TMEM156: variants seen among roughly 807,000 people sequenced by gnomAD.
TMEM156 encodes the protein transmembrane protein 156.
In TMEM156, 28 loss-of-function variants were observed where a neutral mutation model predicts 30.5. The observed-to-expected ratio is 0.92, with a 90% CI of 0.68 to 1.26. TMEM156 has a LOEUF of 1.26. TMEM156 is among the 50% of genes most tolerant of loss of function. The probability of loss-of-function intolerance (pLI) is 0.00; values close to 1 mark genes in which losing one functional copy is unlikely to be tolerated. For synonymous variants in TMEM156, 137 were observed against 119.9 expected (o/e 1.14, Z -0.93); for missense variants, 351 against 340.6 (o/e 1.03, Z -0.24).
At chr4:39,017,842 C>T (rs1302843879) in intron 1 of TMEM156, among the ~76,000 whole-genome samples, 6 of 151,942 alleles carry the variant, frequency 3.9e-5, no homozygotes, top group Non-Finnish European at 5.9e-5. Flanking sequence ...CTATTTGTTC[C>T]GTATATTTTT....
intron 2 of TMEM156, 139 bp from the exon 3 acceptor site, chr4:38,994,137 A>G (rs1189751569): frequency 3.8e-6 from 3 of 784,366 alleles, no homozygotes; most frequent in African/African-American, 3.5e-5. Flanking sequence ...ATATATACAT[A>G]TTTTTGAGAC....
intron 1 of TMEM156, among the ~76,000 whole-genome samples, chr4:39,026,747 C>A (rs564944152): frequency 1.3e-5 from 2 of 151,816 alleles, no homozygotes; most frequent in African/African-American, 2.4e-5. Context: ...GCCAACATAG[C>A]AAAGCCCCAT....
rs535093804 is a variant in TMEM156 at position 38,992,848 on chromosome 4, G to A, written c.619+890C>T. The stretch of plus-strand genomic sequence containing the variant: ...GCGATCTCGGCTCACTGTAACCTCC[G>A]CCTCCCGGATTCAAGCGATTCTCCT... On this transcript the variant is annotated intron_variant, in intron 3 of 6. Coordinates refer to ENST00000381938, the MANE Select transcript of TMEM156 (RefSeq NM_024943.3). 1.1e-4 allele frequency among the ~76,000 whole-genome samples: 16 copies of A among 148,814 alleles called. No individual in the cohort carries two copies. In the South Asian group the frequency reaches 2.1e-3, roughly 20 times the overall value.
chr4:38,990,840 T>TTGTTTTGTTTTGTTTTG (rs1423810014), intron 3 of TMEM156, among the ~76,000 whole-genome samples: 8 of 131,756 alleles, frequency 6.1e-5, no homozygotes, highest in African/African-American at 8.4e-5. Flanking sequence ...GTTTTTTTTT[T>TTGTTTTGTTTTGTTTTG]TTTTTTTTTT....
intron 1 of TMEM156, among the ~76,000 whole-genome samples, chr4:39,009,162 T>C (rs1164403761): frequency 6.6e-6 from 1 of 151,998 alleles, no homozygotes; most frequent in African/African-American, 2.4e-5. Context: ...ATGGATAAAT[T>C]TCTGGAAACA....
At chr4:38,981,628 G>T (rs1238459905) in intron 5 of TMEM156, among the ~76,000 whole-genome samples, 4 of 152,088 alleles carry the variant, frequency 2.6e-5, no homozygotes, top group Admixed American at 2.6e-4. Flanking sequence ...TTGAACCCTG[G>T]CTCTGTTAGA....
intron 4 of TMEM156, 32 bp from the exon 5 acceptor site, chr4:38,986,451 T>A: frequency 6.7e-7 from 1 of 1,498,524 alleles, no homozygotes; most frequent in Non-Finnish European, 9.3e-7. Flanking sequence ...AGTATTTAGA[T>A]GATAAACAAG....
chr4:39,018,633 C>T (rs1714658689), intron 1 of TMEM156, among the ~76,000 whole-genome samples: 1 of 152,158 alleles, frequency 6.6e-6, no homozygotes, highest in Non-Finnish European at 1.5e-5. Context: ...TTTTCACTGC[C>T]TTCTGATTTT....
intron 5 of TMEM156, among the ~76,000 whole-genome samples, chr4:38,984,328 T>C (rs1457335212): frequency 7.4e-6 from 1 of 135,340 alleles, no homozygotes; most frequent in Non-Finnish European, 1.5e-5. Context: ...TCTCTCTTTC[T>C]CTCTGTCTCT....
At chr4:38,998,936 C>T in intron 1 of TMEM156, 27 bp from the exon 2 acceptor site, 1 of 1,580,212 alleles carries the variant, frequency 6.3e-7, no homozygotes, top group Non-Finnish European at 8.6e-7. Context: ...AAAACACTTT[C>T]TTTACTGTAA....
At position 38,974,058 on chromosome 4, in the gene TMEM156, C is replaced by T. The variant is rs866533718; in HGVS notation, c.824-2921G>A. ...AGGCCCCCTTGATCAGGAAGGAGTGCGTGTGTGTGTGTGTGTGTGTGTGTG... is the reference window on the plus strand; with the variant it reads ...AGGCCCCCTTGATCAGGAAGGAGTGTGTGTGTGTGTGTGTGTGTGTGTGTG... On this transcript the variant is annotated intron_variant, in intron 5 of 6. Coordinates refer to ENST00000381938, the MANE Select transcript of TMEM156 (RefSeq NM_024943.3). Among the ~76,000 whole-genome samples, 174 of 149,292 alleles carry T rather than the reference C, an allele frequency of 1.2e-3. 6 individuals are homozygous for T. In the South Asian group the frequency reaches 0.034, roughly 29 times the overall value.
chr4:38,996,587 GA>G (rs568743927), intron 2 of TMEM156, among the ~76,000 whole-genome samples: 12 of 150,010 alleles, frequency 8.0e-5, no homozygotes, highest in African/African-American at 1.2e-4. Context: ...GAAAAGAAAA[GA>G]AAAAAAAACA....
chr4:39,002,601 A>G (rs200329022), intron 1 of TMEM156, among the ~76,000 whole-genome samples: 1 of 147,452 alleles, frequency 6.8e-6, no homozygotes, highest in Non-Finnish European at 1.5e-5. Context: ...TTATTGAGGC[A>G]TTATTCACAA....
intron 3 of TMEM156, among the ~76,000 whole-genome samples, chr4:38,992,251 G>A (rs1212206508): frequency 2.7e-5 from 3 of 110,478 alleles, no homozygotes; most frequent in African/African-American, 1.0e-4. Flanking sequence ...GTGTAGGTGA[G>A]GGGTCGCCCT....
intron 2 of TMEM156, among the ~76,000 whole-genome samples, chr4:38,997,992 A>C (rs766852902): frequency 1.3e-5 from 2 of 152,252 alleles, no homozygotes; most frequent in Non-Finnish European, 2.9e-5. Context: ...TTAGAGAATC[A>C]AAGTTTGATT....
intron 1 of TMEM156, among the ~76,000 whole-genome samples, chr4:39,005,132 T>G (rs912623364): frequency 1.3e-5 from 2 of 152,192 alleles, no homozygotes; most frequent in African/African-American, 4.8e-5. Context: ...GACTATATAT[T>G]GTATGATTCC....
chr4:39,013,557 C>G (rs551630090), intron 1 of TMEM156, among the ~76,000 whole-genome samples: 1 of 151,862 alleles, frequency 6.6e-6, no homozygotes, highest in South Asian at 2.1e-4. Flanking sequence ...CACCTCACCA[C>G]GCCCAGCTAA....
chr4:39,010,016 C>T (rs1417956014), intron 1 of TMEM156, among the ~76,000 whole-genome samples: 3 of 152,044 alleles, frequency 2.0e-5, no homozygotes, highest in Non-Finnish European at 2.9e-5. Flanking sequence ...CGTGAAAAGA[C>T]TCCTAGATCT....
intron 1 of TMEM156, among the ~76,000 whole-genome samples, chr4:39,018,514 C>T (rs1714649638): frequency 6.6e-6 from 1 of 152,090 alleles, no homozygotes; most frequent in Non-Finnish European, 1.5e-5. Flanking sequence ...TTTAGAAGTT[C>T]TTTCACTGAG....
Sources: gnomAD v4.1 joint callset for allele counts (sites outside exome capture counted in the v4.1 genomes callset) on GRCh38, gnomAD v4.1.1 for gene constraint, MANE v1.5 for transcripts, NCBI Gene and HGNC (gene_info 2026-07-23, HGNC 2026-07-21) for gene names.